Variants in METTL15 observed in about 807,000 individuals in gnomAD.
The protein encoded by METTL15 is methyltransferase 15, mitochondrial 12S rRNA N4-cytidine, also known as 12S rRNA N(4)-cytidine methyltransferase METTL15.
Under a neutral mutation model 38.3 loss-of-function variants are expected in METTL15, and 34 were observed. The ratio of observed to expected loss-of-function variants is 0.89; its 90% CI spans 0.68 to 1.18. METTL15 has a LOEUF of 1.18. Ranked by LOEUF, METTL15 falls within the 50% of genes most tolerant of loss-of-function variation. The pLI, the probability that METTL15 is intolerant of heterozygous loss-of-function variation, is 0.00. For missense variants in METTL15, 438 were observed against 498.4 expected, an observed-to-expected ratio of 0.88 and a Z score of 1.15; for synonymous variants, 162 against 170.9, an observed-to-expected ratio of 0.95 and a Z score of 0.41.
At chr11:28,433,450 C>T (rs1850953312) in intron 6 of METTL15, among the ~76,000 whole-genome samples, 1 of 152,094 alleles carries the variant, frequency 6.6e-6, no homozygotes, top group African/African-American at 2.4e-5. Context: ...TGACCATGGG[C>T]AAATCACTTC....
At chr11:28,348,832 T>C (rs1325676583) in intron 3 of METTL15, among the ~76,000 whole-genome samples, 1 of 152,182 alleles carries the variant, frequency 6.6e-6, no homozygotes, top group Admixed American at 6.5e-5. Context: ...GGGAGCCAGT[T>C]CCTTCAAGCT....
At chr11:28,430,042 G>A (rs1459854642) in intron 6 of METTL15, among the ~76,000 whole-genome samples, 1 of 141,218 alleles carries the variant, frequency 7.1e-6, no homozygotes, top group African/African-American at 2.6e-5. Context: ...GCCTCTGCCC[G>A]GCCGAGACCC....
At chr11:28,204,278 T>C (rs1388133673) in intron 3 of METTL15, among the ~76,000 whole-genome samples, 4 of 151,974 alleles carry the variant, frequency 2.6e-5, no homozygotes. Context: ...TTACATTTTT[T>C]GTTCTTTCTA....
chr11:28,323,816 A>G (rs2134051526), intron 6 of METTL15, among the ~76,000 whole-genome samples: 1 of 152,312 alleles, frequency 6.6e-6, no homozygotes, highest in East Asian at 1.9e-4. Context: ...CAAGAGTCTT[A>G]AAATACACCA....
chr11:28,250,502 A>G (rs1038909796), intron 4 of METTL15, among the ~76,000 whole-genome samples: 18 of 151,884 alleles, frequency 1.2e-4, no homozygotes, highest in African/African-American at 4.3e-4. Flanking sequence ...CTTTGGCCAC[A>G]TGTATCTCTT....
chr11:28,222,509 G>A (rs1200550240), intron 4 of METTL15, among the ~76,000 whole-genome samples: 1 of 152,170 alleles, frequency 6.6e-6, no homozygotes, highest in African/African-American at 2.4e-5. Flanking sequence ...CTGGGGTGAG[G>A]CGATGCCTCG....
chr11:28,388,856 G>A (rs573677026), intron 5 of METTL15, among the ~76,000 whole-genome samples: 4 of 151,070 alleles, frequency 2.6e-5, no homozygotes, highest in South Asian at 2.1e-4. Flanking sequence ...AACAGGCCCC[G>A]GTGTGTGATG....
intron 4 of METTL15, among the ~76,000 whole-genome samples, chr11:28,254,672 A>T (rs1476112948): frequency 6.6e-6 from 1 of 152,150 alleles, no homozygotes; most frequent in Non-Finnish European, 1.5e-5. Context: ...ATGGCAAGAG[A>T]TAGGGGTCTT....
intron 5 of METTL15, chr11:28,399,077 C>T (rs1850603888): frequency 1.3e-5 from 2 of 152,044 alleles, no homozygotes; most frequent in Admixed American, 1.3e-4. Flanking sequence ...ACCAAAACAG[C>T]ATAATACTGG....
chr11:28,113,887 C>T (rs1310180121), intron 3 of METTL15, among the ~76,000 whole-genome samples: 2 of 152,106 alleles, frequency 1.3e-5, no homozygotes, highest in Non-Finnish European at 2.9e-5. Flanking sequence ...TTTTGCCTAA[C>T]TGTAGGGTAA....
At chr11:28,238,722 C>T (rs1046075767) in intron 4 of METTL15, among the ~76,000 whole-genome samples, 7 of 152,160 alleles carry the variant, frequency 4.6e-5, no homozygotes, top group East Asian at 1.9e-4. Flanking sequence ...AGCTATAGAC[C>T]GGAGCTGTTC....
chr11:28,112,169 A>C (rs754577207), intron 2 of METTL15, among the ~76,000 whole-genome samples: 2 of 152,148 alleles, frequency 1.3e-5, no homozygotes, highest in Admixed American at 6.5e-5. Context: ...TTTAAGTGGG[A>C]TTTATGCTTC....
At chr11:28,172,849 A>G (rs1850907426) in intron 3 of METTL15, among the ~76,000 whole-genome samples, 1 of 152,222 alleles carries the variant, frequency 6.6e-6, no homozygotes, top group East Asian at 1.9e-4. Context: ...AGGAAAGAAG[A>G]GCAAAGTATG....
chr11:28,306,123 A>T (rs1332240786), intron 6 of METTL15, among the ~76,000 whole-genome samples: 1 of 151,934 alleles, frequency 6.6e-6, no homozygotes, highest in Admixed American at 6.6e-5. Context: ...GTAACCACGT[A>T]CTCTAGATCT....
At chr11:28,443,442 G>T (rs1851051396) in intron 6 of METTL15, among the ~76,000 whole-genome samples, 1 of 152,154 alleles carries the variant, frequency 6.6e-6, no homozygotes, top group Non-Finnish European at 1.5e-5. Flanking sequence ...AAGTCAGATG[G>T]CTTTCAGTGC....
At chr11:28,309,507 A>T (rs976246837) in intron 6 of METTL15, among the ~76,000 whole-genome samples, 1 of 152,046 alleles carries the variant, frequency 6.6e-6, no homozygotes, top group African/African-American at 2.4e-5. Flanking sequence ...ATTACCATTG[A>T]GTAGTATTCT....
intron 6 of METTL15, among the ~76,000 whole-genome samples, chr11:28,317,372 G>T (rs1337050640): frequency 2.0e-5 from 3 of 151,802 alleles, no homozygotes; most frequent in Non-Finnish European, 2.9e-5. Context: ...TATTAAAGGA[G>T]CCCAGGCAAA....
At chr11:28,505,471 C>T (rs116234016) in intron 6 of METTL15, among the ~76,000 whole-genome samples, 378 of 152,278 alleles carry the variant, frequency 2.5e-3, no homozygotes, top group African/African-American at 8.2e-3. Context: ...TAATTATCTC[C>T]GCCCATTAAA....
intron 3 of METTL15, among the ~76,000 whole-genome samples, chr11:28,139,960 A>T (rs1590795526): frequency 5.2e-4 from 1 of 1,932 alleles, no homozygotes; most frequent in African/African-American, 7.4e-4. Flanking sequence ...GGGTGGAAAG[A>T]CTCTGTGGAG....
Sources: gnomAD v4.1 joint callset for allele counts (sites outside exome capture counted in the v4.1 genomes callset) on GRCh38, gnomAD v4.1.1 for gene constraint, MANE v1.5 for transcripts, NCBI Gene and HGNC (gene_info 2026-07-23, HGNC 2026-07-21) for gene names.